The following ZNF700 variants were observed in gnomAD, a reference collection of about 807,000 sequenced individuals.
The protein encoded by ZNF700 is zinc finger protein 700.
ZNF700 carries 38 observed loss-of-function variants against 65.3 expected under a neutral mutation model. The ratio of observed to expected loss-of-function variants is 0.58; its 90% confidence interval spans 0.45 to 0.76. The LOEUF (loss-of-function observed/expected upper bound fraction) is 0.76, where lower values mean the gene tolerates loss of function less well. ZNF700 is among the 30% of genes least tolerant of loss of function. The probability of loss-of-function intolerance (pLI) is 0.00; values close to 1 mark genes in which losing one functional copy is unlikely to be tolerated. For synonymous variants in ZNF700, 285 were observed against 290.4 expected (o/e 0.98, Z 0.19); for missense variants, 857 against 888.4 (o/e 0.96, Z 0.45).
chr19:11,950,299 C>T lies in ZNF700; in HGVS notation c.*46C>T. 6.4e-7 allele frequency: 1 copy of T among 1,566,748 alleles called. No individual in the cohort carries two copies. Among genetic ancestry groups the T allele is most frequent in the Non-Finnish European group, 8.7e-7 (1 of 1,155,940 alleles). ...TGAATAGACTCACACTGGAAGGAAG[C>T]ACTATGAATGCAAGCAATGTGGCAA... On this transcript the variant is annotated 3_prime_UTR_variant, in exon 4 of 4. Coordinates refer to ENST00000254321, the MANE Select transcript of ZNF700 (RefSeq NM_144566.3).
chr19:11,932,317 C>A (rs893338182), intron 1 of ZNF700, among the ~76,000 whole-genome samples: 1 of 146,968 alleles, frequency 6.8e-6, no homozygotes, highest in Admixed American at 6.7e-5. Flanking sequence ...ACACTCCAGC[C>A]TGGGTAACAG....
At position 11,948,613 on chromosome 19, in the gene ZNF700, A is replaced by C. The variant is rs745576717; in HGVS notation, c.589A>C (p.Lys197Gln). The change falls in exon 4 of 4, where the codon AAA (lysine) becomes CAA (glutamine). Residue 197 changes from lysine to glutamine, a missense_variant. Transcript: ENST00000254321. ...DHTGEKPYACKVCGKTFIFHS... is the reference protein window; with the variant it reads ...DHTGEKPYACQVCGKTFIFHS... ...CACTGGAGAGAAACCCTATGCTTGTAAAGTCTGTGGAAAAACCTTTATTTT... is the reference window on the plus strand; with the variant it reads ...CACTGGAGAGAAACCCTATGCTTGTCAAGTCTGTGGAAAAACCTTTATTTT... 5 of 1,611,624 alleles carry C rather than the reference A, an allele frequency of 3.1e-6. No homozygotes were observed. The highest frequency in any genetic ancestry group is 4.2e-6 in the Non-Finnish European group (5 of 1,179,518).
intron 1 of ZNF700, among the ~76,000 whole-genome samples, chr19:11,928,772 T>TA (rs1254989049): frequency 6.9e-6 from 1 of 143,976 alleles, no homozygotes; most frequent in Non-Finnish European, 1.5e-5. Context: ...TCTGTAGTCT[T>TA]ACTACAGAGA....
At chr19:11,945,393 A>C (rs1423440940) in intron 1 of ZNF700, among the ~76,000 whole-genome samples, 3 of 152,198 alleles carry the variant, frequency 2.0e-5, no homozygotes, top group Non-Finnish European at 4.4e-5. Flanking sequence ...ACCAAGCACA[A>C]GTCCTGTACT....
chr19:11,946,486 A>G (rs1054223666), intron 1 of ZNF700, among the ~76,000 whole-genome samples: 12 of 152,048 alleles, frequency 7.9e-5, no homozygotes, highest in Admixed American at 3.3e-4. Context: ...TCCCTTTGCC[A>G]CTAACACTGC....
At chr19:11,930,416 A>T (rs1972696601) in intron 1 of ZNF700, among the ~76,000 whole-genome samples, 1 of 148,528 alleles carries the variant, frequency 6.7e-6, no homozygotes, top group South Asian at 2.1e-4. Flanking sequence ...ACATGGAGGA[A>T]CTGGGAGGAG....
intron 1 of ZNF700, among the ~76,000 whole-genome samples, chr19:11,929,655 A>G (rs1972685136): frequency 1.4e-5 from 2 of 147,738 alleles, no homozygotes; most frequent in Non-Finnish European, 2.9e-5. Flanking sequence ...GTTCAGTCTC[A>G]TTGCTTGTTA....
rs766825233 is a variant in ZNF700, at chr19:11,925,193, C to T, written c.-18C>T. On this transcript the variant is annotated 5_prime_UTR_variant, in exon 1 of 4. Transcript: ENST00000254321. ...CTGGTGCCTGTACCCAGGCTTCTGT[C>T]GCTCTGTCGCCTGCGCTATGCCCTG... 4 of 1,611,628 alleles carry T rather than the reference C, an allele frequency of 2.5e-6. No homozygotes were observed. Among genetic ancestry groups the T allele is most frequent in the Admixed American group, 1.7e-5 (1 of 59,952 alleles).
At position 11,948,840 on chromosome 19, in the gene ZNF700, C is replaced by T. The variant is rs1303057493; in HGVS notation, c.816C>T (p.His272=). 3.1e-6 allele frequency: 5 copies of T among 1,609,098 alleles called. No individual in the cohort carries two copies. Among genetic ancestry groups the T allele is most frequent in the Non-Finnish European group, 3.4e-6 (4 of 1,178,980 alleles). Residue 272 remains histidine, a synonymous_variant, in exon 4 of 4, where the codon CAC becomes CAT. Coordinates refer to ENST00000254321, the MANE Select transcript of ZNF700 (RefSeq NM_144566.3). ...CCCTTCAAATACATGAAAGAACTCA[C>T]ACTGGGGAGAAGCCCTATGAATGTA... ...SATLQIHERT[H]TGEKPYECSK...
At chr19:11,938,063 T>C (rs1972824415) in intron 1 of ZNF700, among the ~76,000 whole-genome samples, 1 of 152,004 alleles carries the variant, frequency 6.6e-6, no homozygotes, top group African/African-American at 2.4e-5. Flanking sequence ...TATTTATTCA[T>C]TCTTGTCGTT....
rs576360450 is a variant in ZNF700 at position 11,929,459 on chromosome 19, G to C, written c.63+4186G>C. Among the ~76,000 whole-genome samples, 37 of 148,312 alleles carry C rather than the reference G, an allele frequency of 2.5e-4. 1 individual carries two copies. The South Asian group carries it at 7.1e-3, about 29-fold the overall frequency. On this transcript the variant is annotated intron_variant, in intron 1 of 3. Transcript: ENST00000254321. The stretch of plus-strand genomic sequence containing the variant: ...ATTACGGGTGTGAACCACTGCGCCC[G>C]GCCTGACTCATTTGTTCAAACAGCC...
intron 1 of ZNF700, among the ~76,000 whole-genome samples, chr19:11,938,048 G>C (rs749404983): frequency 2.0e-5 from 3 of 151,914 alleles, no homozygotes; most frequent in African/African-American, 4.8e-5. Flanking sequence ...TACCTTTTCT[G>C]CCTCTATTTA....
chr19:11,933,406 A>G (rs757879601), intron 1 of ZNF700, among the ~76,000 whole-genome samples: 2 of 147,782 alleles, frequency 1.4e-5, no homozygotes, highest in Non-Finnish European at 2.9e-5. Context: ...ATGAAACTTC[A>G]CTCTTTTTGG....
chr19:11,926,868 G>A (rs279237), intron 1 of ZNF700, among the ~76,000 whole-genome samples: 29,473 of 152,032 alleles, frequency 0.19, 6,413 homozygotes, highest in African/African-American at 0.54. Flanking sequence ...TCAAGCGGAA[G>A]GATAGCAGTG....
rs372251127 is a variant in ZNF700 at position 11,941,348 on chromosome 19, C to T, written c.64-5833C>T. ...GGACTGGGTGCTGTGGAGCAGGGGG[C>T]GGCGCTCATCGGGGAGGCTCGGGCC... On this transcript the variant is annotated intron_variant, in intron 1 of 3. Transcript: ENST00000254321. Among the ~76,000 whole-genome samples, 25 of 152,340 alleles carry T rather than the reference C, an allele frequency of 1.6e-4. No individual in the cohort carries two copies. In the East Asian group the frequency reaches 3.3e-3, roughly 20 times the overall value.
chr19:11,925,169 T>G lies in ZNF700; in HGVS notation c.-42T>G, dbSNP rs370203934. On this transcript the variant is annotated 5_prime_UTR_variant, in exon 1 of 4. Coordinates refer to ENST00000254321, the MANE Select transcript of ZNF700 (RefSeq NM_144566.3). ...CGGTCAGACCAGCCCGAGAGGGACC[T>G]GGTGCCTGTACCCAGGCTTCTGTCG... 1 of 1,606,960 alleles carries G rather than the reference T, an allele frequency of 6.2e-7. No individual in the cohort carries two copies. The highest frequency in any genetic ancestry group is 8.5e-7 in the Non-Finnish European group (1 of 1,175,342).
chr19:11,943,013 G>T (rs1972909001), intron 1 of ZNF700, among the ~76,000 whole-genome samples: 1 of 152,148 alleles, frequency 6.6e-6, no homozygotes, highest in African/African-American at 2.4e-5. Context: ...TAATACACTT[G>T]TGCTGAAACA....
chr19:11,942,418 A>G (rs1042044223), intron 1 of ZNF700, among the ~76,000 whole-genome samples: 8 of 152,036 alleles, frequency 5.3e-5, no homozygotes, highest in Non-Finnish European at 1.2e-4. Context: ...GTCCAAAGAG[A>G]CATTAGGGAC....
chr19:11,930,947 C>T (rs1286833219), intron 1 of ZNF700, among the ~76,000 whole-genome samples: 1 of 145,528 alleles, frequency 6.9e-6, no homozygotes, highest in African/African-American at 2.7e-5. Context: ...TGCAGTGAGC[C>T]GAGATTGCGC....
Sources: gnomAD v4.1 joint callset for allele counts (sites outside exome capture counted in the v4.1 genomes callset) on GRCh38, gnomAD v4.1.1 for gene constraint, MANE v1.5 for transcripts, NCBI Gene and HGNC (gene_info 2026-07-23, HGNC 2026-07-21) for gene names.